The following KCNIP3 variants were observed in gnomAD, a reference collection of about 807,000 sequenced individuals.
KCNIP3 encodes the protein potassium voltage-gated channel interacting protein 3, also known as calsenilin.
A neutral mutation model predicts 35.0 loss-of-function variants in KCNIP3; 28 were observed. That is an observed-to-expected ratio of 0.80 (90% CI 0.59 to 1.10). The LOEUF (loss-of-function observed/expected upper bound fraction) is 1.10, where lower values mean the gene tolerates loss of function less well. Among genes scored for constraint, KCNIP3 ranks in the 50% least tolerant of loss-of-function variants. The probability of loss-of-function intolerance (pLI) is 0.00; values close to 1 mark genes in which losing one functional copy is unlikely to be tolerated. For synonymous variants in KCNIP3, 134 were observed against 133.8 expected (o/e 1.00, Z -0.01); for missense variants, 295 against 338.4 (o/e 0.87, Z 1.01).
chr2:95,318,556 A>T (rs1678514292), intron 2 of KCNIP3, among the ~76,000 whole-genome samples: 1 of 152,112 alleles, frequency 6.6e-6, no homozygotes, highest in Non-Finnish European at 1.5e-5. Context: ...CCTGTGGGGA[A>T]CCGGGAGGTG....
At chr2:95,347,136 A>C (rs375072994) in intron 2 of KCNIP3, 9 of 1,601,444 alleles carry the variant, frequency 5.6e-6, no homozygotes, top group South Asian at 2.2e-5. Flanking sequence ...ACGCGTGGCC[A>C]CTTGCCCCTT....
rs542310655 is a variant in KCNIP3, at chr2:95,341,831, G to A, written c.181+31311G>A. Among the ~76,000 whole-genome samples the A allele has an allele frequency of 2.0e-4, 31 of 152,314 alleles. 1 individual carries two copies. The South Asian group carries it at 6.0e-3, about 30-fold the overall frequency. ...TCAATTATAATAAATATTTATACAA[G>A]GCAGGCAATAGCTGTCCCTTTGGGA... On this transcript the variant is annotated intron_variant, in intron 2 of 8. Transcript: ENST00000295225.
chr2:95,373,679 A>G (rs1347661952), intron 2 of KCNIP3, among the ~76,000 whole-genome samples: 1 of 152,126 alleles, frequency 6.6e-6, no homozygotes, highest in Non-Finnish European at 1.5e-5. Context: ...CAGCCTCCCA[A>G]AGTGCTGGGA....
At position 95,382,366 on chromosome 2, in the gene KCNIP3, TC is replaced by T; in HGVS notation, c.556-6del. ...GCCTTGCAGCAGGCTCATGCCAGCCTCCCCCTCCAGGAGATGCTGGCCATCA... is the reference window on the plus strand; with the variant it reads ...GCCTTGCAGCAGGCTCATGCCAGCCTCCCCTCCAGGAGATGCTGGCCATCA... On this transcript the variant is annotated splice_polypyrimidine_tract_variant and intron_variant, in intron 6 of 8. Transcript: ENST00000295225. The surrounding 1 kb of genome is among the most constrained non-coding windows in gnomAD (Gnocchi z 4.5). 6.4e-7 allele frequency: 1 copy of T among 1,551,560 alleles called. No individual in the cohort carries two copies. The highest frequency in any genetic ancestry group is 8.7e-7 in the Non-Finnish European group (1 of 1,145,832).
intron 2 of KCNIP3, among the ~76,000 whole-genome samples, chr2:95,369,349 A>T (rs950461154): frequency 6.6e-6 from 1 of 152,148 alleles, no homozygotes; most frequent in African/African-American, 2.4e-5. Flanking sequence ...TCATCAAAGG[A>T]TTCAATTTGC....
Position 95,374,898 on chromosome 2 carries a change from G to T in KCNIP3, c.357G>T (p.Ala119=). Residue 119 remains alanine, a synonymous_variant, in exon 4 of 9, where the codon GCG becomes GCT. Coordinates refer to ENST00000295225, the MANE Select transcript of KCNIP3 (RefSeq NM_013434.5). ...VDEDTFKLIY[A]QFFPQGDATT... ...AAGACACCTTCAAACTCATTTACGC[G>T]CAGTTCTTCCCTCAGGGAGGTGAGT... 6.2e-7 allele frequency: 1 copy of T among 1,614,018 alleles called. No individual in the cohort carries two copies. Among genetic ancestry groups the T allele is most frequent in the Non-Finnish European group, 8.5e-7 (1 of 1,180,010 alleles).
chr2:95,370,980 G>C (rs372617813), intron 2 of KCNIP3, among the ~76,000 whole-genome samples: 261 of 152,204 alleles, frequency 1.7e-3, no homozygotes, highest in African/African-American at 5.5e-3. Context: ...TGTTGGCCAG[G>C]CTGGTCTTGA....
intron 2 of KCNIP3, among the ~76,000 whole-genome samples, chr2:95,356,381 T>C (rs533855833): frequency 1.3e-5 from 2 of 152,354 alleles, no homozygotes; most frequent in African/African-American, 4.8e-5. Flanking sequence ...TTTTAACTTT[T>C]GTTGCTATTG....
chr2:95,320,925 C>T (rs1002747497), intron 2 of KCNIP3, among the ~76,000 whole-genome samples: 1 of 142,040 alleles, frequency 7.0e-6, no homozygotes, highest in Non-Finnish European at 1.5e-5. Context: ...CCCTGCCCCC[C>T]CAGCCTTCCC....
chr2:95,348,400 T>C (rs1679430395), intron 2 of KCNIP3, among the ~76,000 whole-genome samples: 1 of 152,144 alleles, frequency 6.6e-6, no homozygotes, highest in Non-Finnish European at 1.5e-5. Context: ...CCTGCAGGGA[T>C]TGCCATCCCC....
At chr2:95,383,931 G>A in intron 8 of KCNIP3, 71 bp from the exon 9 acceptor site, 1 of 1,348,062 alleles carries the variant, frequency 7.4e-7, no homozygotes, top group Admixed American at 1.7e-5. Flanking sequence ...TCCCTGGCGG[G>A]AATCTGCTCA....
chr2:95,364,979 G>A (rs1573514469), intron 2 of KCNIP3, among the ~76,000 whole-genome samples: 1 of 152,092 alleles, frequency 6.6e-6, no homozygotes, highest in Non-Finnish European at 1.5e-5. Flanking sequence ...TCAGCTACTT[G>A]GGAGACTGAG....
intron 5 of KCNIP3, 127 bp from the exon 6 acceptor site, chr2:95,381,468 GC>G: frequency 3.0e-6 from 2 of 666,966 alleles, no homozygotes; most frequent in Non-Finnish European, 2.7e-6. Flanking sequence ...CTGAATGGAT[GC>G]CGTCAGTCTC....
intron 2 of KCNIP3, among the ~76,000 whole-genome samples, chr2:95,353,382 C>A (rs147586916): frequency 5.3e-5 from 8 of 152,168 alleles, no homozygotes; most frequent in Non-Finnish European, 1.2e-4. Flanking sequence ...GGGATCAGAT[C>A]GGATTCAGAG....
chr2:95,383,427 C>T, intron 8 of KCNIP3, 133 bp downstream of exon 8: 2 of 881,874 alleles, frequency 2.3e-6, no homozygotes, highest in Non-Finnish European at 3.6e-6. Context: ...GTCCTTGGCC[C>T]CTTGCCACCT....
chr2:95,346,383 C>A (rs1010334362), intron 2 of KCNIP3, among the ~76,000 whole-genome samples: 1 of 151,458 alleles, frequency 6.6e-6, no homozygotes, highest in Non-Finnish European at 1.5e-5. Context: ...CGCGCGGCCT[C>A]CAGGGGCTGG....
intron 2 of KCNIP3, among the ~76,000 whole-genome samples, chr2:95,328,456 G>C (rs1678846301): frequency 6.6e-6 from 1 of 152,260 alleles, no homozygotes; most frequent in Non-Finnish European, 1.5e-5. Flanking sequence ...AGAGCGGTGG[G>C]GAGGGCAGTG....
At chr2:95,359,071 A>G (rs1679727549) in intron 2 of KCNIP3, among the ~76,000 whole-genome samples, 1 of 152,122 alleles carries the variant, frequency 6.6e-6, no homozygotes, top group Admixed American at 6.5e-5. Flanking sequence ...CAAACATTCA[A>G]ACTGTAGCAT....
intron 2 of KCNIP3, among the ~76,000 whole-genome samples, chr2:95,320,101 T>G (rs1678555947): frequency 6.6e-6 from 1 of 151,774 alleles, no homozygotes; most frequent in African/African-American, 2.4e-5. Context: ...GGAGCAGGGG[T>G]GAGGAGGCTA....
Sources: allele counts gnomAD v4.1 joint callset (sites outside exome capture counted in the v4.1 genomes callset), GRCh38; gene constraint gnomAD v4.1.1; non-coding constraint Gnocchi (gnomAD v3.1); transcripts MANE v1.5; gene names NCBI Gene and HGNC (gene_info 2026-07-23, HGNC 2026-07-21).